Variants in CADPS2 observed in about 807,000 individuals in gnomAD.
CADPS2 encodes calcium dependent secretion activator 2.
A neutral mutation model predicts 172.5 loss-of-function variants in CADPS2; 93 were observed. The observed-to-expected ratio is 0.54, with a 90% CI of 0.46 to 0.64. The LOEUF (loss-of-function observed/expected upper bound fraction) is 0.64, where lower values mean the gene tolerates loss of function less well. Among genes scored for constraint, CADPS2 ranks in the 30% least tolerant of loss-of-function variants. The probability of loss-of-function intolerance (pLI) is 0.00; values close to 1 mark genes in which losing one functional copy is unlikely to be tolerated. For synonymous variants in CADPS2, 546 were observed against 555.2 expected (o/e 0.98, Z 0.23); for missense variants, 1,420 against 1,565.9 (o/e 0.91, Z 1.57).
At position 122,382,026 on chromosome 7, in the gene CADPS2, G is replaced by T. The variant is rs79861592; in HGVS notation, c.3313-2584C>A. On this transcript the variant is annotated intron_variant, in intron 24 of 29. Coordinates refer to ENST00000449022, the MANE Select transcript of CADPS2 (RefSeq NM_017954.11). ...GTGGAGGTCGTATAGGCACATGAGT[G>T]TGAGAGAAAAGATGGCCCGAGAATT... 2.0e-5 allele frequency among the ~76,000 whole-genome samples: 3 copies of T among 152,198 alleles called. No homozygotes were observed. In the East Asian group the frequency reaches 5.8e-4, roughly 30 times the overall value.
chr7:122,587,998 A>G (rs753144959), intron 6 of CADPS2, among the ~76,000 whole-genome samples: 1 of 152,124 alleles, frequency 6.6e-6, no homozygotes, highest in Non-Finnish European at 1.5e-5. Context: ...TGTTGGCTGC[A>G]TGAATGTCTT....
At chr7:122,697,832 T>C in intron 2 of CADPS2, 1 of 1,607,006 alleles carries the variant, frequency 6.2e-7, no homozygotes, top group Non-Finnish European at 8.5e-7. Flanking sequence ...TGAGGCTGGA[T>C]GTCATTATTC....
At chr7:122,824,919 A>C (rs1804447899) in intron 1 of CADPS2, among the ~76,000 whole-genome samples, 1 of 152,188 alleles carries the variant, frequency 6.6e-6, no homozygotes, top group African/African-American at 2.4e-5. Context: ...TATTTATTAA[A>C]AAGTCCATCT....
At chr7:122,638,085 C>A (rs1013886903) in intron 3 of CADPS2, among the ~76,000 whole-genome samples, 2 of 152,174 alleles carry the variant, frequency 1.3e-5, no homozygotes, top group African/African-American at 2.4e-5. Flanking sequence ...GAGCTGACAA[C>A]CTCACCAGGT....
intron 28 of CADPS2, among the ~76,000 whole-genome samples, chr7:122,343,874 C>T (rs1319468793): frequency 6.6e-6 from 1 of 152,102 alleles, no homozygotes; most frequent in African/African-American, 2.4e-5. Context: ...GCAGAAGTTG[C>T]TAATATGGTT....
chr7:122,388,471 T>G, intron 23 of CADPS2, 112 bp downstream of exon 23: 1 of 1,051,088 alleles, frequency 9.5e-7, no homozygotes, highest in Non-Finnish European at 1.3e-6. Flanking sequence ...AATGTTGGAA[T>G]AGTGGTGCAT....
At chr7:122,403,661 C>G (rs1392604389) in intron 20 of CADPS2, among the ~76,000 whole-genome samples, 2 of 151,750 alleles carry the variant, frequency 1.3e-5, no homozygotes, top group Admixed American at 1.3e-4. Flanking sequence ...ATTTATTACC[C>G]CACAAATTTA....
intron 9 of CADPS2, among the ~76,000 whole-genome samples, chr7:122,503,729 C>T (rs1251763592): frequency 6.6e-6 from 1 of 152,046 alleles, no homozygotes; most frequent in African/African-American, 2.4e-5. Context: ...TTCATTCATC[C>T]GTGCACTTAT....
intron 3 of CADPS2, among the ~76,000 whole-genome samples, chr7:122,654,571 A>G (rs2079530883): frequency 6.6e-6 from 1 of 152,230 alleles, no homozygotes; most frequent in South Asian, 2.1e-4. Context: ...ATATGTTTCC[A>G]GCATGGTATA....
intron 11 of CADPS2, 141 bp downstream of exon 11, chr7:122,489,940 T>C: frequency 2.9e-6 from 2 of 683,912 alleles, no homozygotes; most frequent in East Asian, 2.7e-5. Flanking sequence ...TAAGTGATTA[T>C]GTGACTACTA....
At chr7:122,460,256 C>T (rs757977036) in intron 14 of CADPS2, among the ~76,000 whole-genome samples, 27 of 151,646 alleles carry the variant, frequency 1.8e-4, no homozygotes, top group Non-Finnish European at 2.6e-4. Flanking sequence ...TAAAATAATT[C>T]TCCCAAGGGT....
chr7:122,345,918 C>T (rs377738414), intron 27 of CADPS2, among the ~76,000 whole-genome samples: 26 of 138,746 alleles, frequency 1.9e-4, no homozygotes, highest in East Asian at 4.4e-4. Flanking sequence ...CCGTAGATAT[C>T]TTTTTTTTTT....
intron 28 of CADPS2, among the ~76,000 whole-genome samples, chr7:122,337,431 C>A (rs771482242): frequency 1.3e-5 from 2 of 152,156 alleles, no homozygotes; most frequent in Non-Finnish European, 2.9e-5. Flanking sequence ...CTTGAACATT[C>A]TTTTGAATTA....
chr7:122,878,049 A>C (rs1416880662), intron 1 of CADPS2, among the ~76,000 whole-genome samples: 1 of 150,172 alleles, frequency 6.7e-6, no homozygotes, highest in Non-Finnish European at 1.5e-5. Context: ...TGAGGTCAAG[A>C]GATCAAGACC....
intron 7 of CADPS2, among the ~76,000 whole-genome samples, chr7:122,576,748 T>C (rs919613094): frequency 1.3e-4 from 20 of 151,686 alleles, no homozygotes; most frequent in African/African-American, 4.8e-4. Flanking sequence ...GTTCTTGTGA[T>C]AGTCAGTGGG....
At chr7:122,752,747 A>G (rs570148374) in intron 1 of CADPS2, among the ~76,000 whole-genome samples, 50 of 152,298 alleles carry the variant, frequency 3.3e-4, no homozygotes, top group African/African-American at 1.1e-3. Flanking sequence ...ACAACAGGTT[A>G]ATATATAAAC....
At chr7:122,381,183 G>A (rs760523473) in intron 24 of CADPS2, among the ~76,000 whole-genome samples, 10 of 152,240 alleles carry the variant, frequency 6.6e-5, no homozygotes, top group African/African-American at 1.2e-4. Flanking sequence ...CTGACTGTGC[G>A]ATGGAGAAGC....
intron 2 of CADPS2, chr7:122,676,609 C>T: frequency 8.3e-7 from 1 of 1,210,680 alleles, no homozygotes; most frequent in Non-Finnish European, 1.2e-6. Flanking sequence ...CAGAGAGATC[C>T]TGCTTCCCAT....
At chr7:122,762,854 A>G (rs544962347) in intron 1 of CADPS2, among the ~76,000 whole-genome samples, 110 of 152,238 alleles carry the variant, frequency 7.2e-4, no homozygotes, top group Non-Finnish European at 1.2e-3. Context: ...CTTCCTTTCA[A>G]TGATGAAGCT....
Sources: gnomAD v4.1 joint callset for allele counts (sites outside exome capture counted in the v4.1 genomes callset) on GRCh38, gnomAD v4.1.1 for gene constraint, MANE v1.5 for transcripts, NCBI Gene and HGNC (gene_info 2026-07-23, HGNC 2026-07-21) for gene names.